VGLL4: variants seen among roughly 807,000 people sequenced by gnomAD.
The protein encoded by VGLL4 is transcription cofactor vestigial-like protein 4.
A neutral mutation model predicts 21.0 loss-of-function variants in VGLL4; 7 were observed. The observed-to-expected ratio is 0.33, with a 90% CI of 0.19 to 0.63. The LOEUF (loss-of-function observed/expected upper bound fraction) is 0.63, where lower values mean the gene tolerates loss of function less well. Among genes scored for constraint, VGLL4 ranks in the 20% least tolerant of loss-of-function variants. The pLI is 0.78. For synonymous variants in VGLL4, 222 were observed against 173.2 expected, an observed-to-expected ratio of 1.28 and a Z score of -2.21; for missense variants, 394 against 425.7, an observed-to-expected ratio of 0.93 and a Z score of 0.66.
intron 2 of VGLL4, among the ~76,000 whole-genome samples, chr3:11,676,811 A>G (rs1209397573): frequency 6.6e-6 from 1 of 152,204 alleles, no homozygotes; most frequent in Non-Finnish European, 1.5e-5. Flanking sequence ...CTTAATAAAA[A>G]GGGTAACGGA....
chr3:11,675,679 G>A (rs2076279801), intron 2 of VGLL4, among the ~76,000 whole-genome samples: 1 of 152,140 alleles, frequency 6.6e-6, no homozygotes, highest in Non-Finnish European at 1.5e-5. Flanking sequence ...CTGCAAAACT[G>A]CTCAGAGATA....
At chr3:11,641,755 C>G (rs2075691608) in intron 1 of VGLL4, among the ~76,000 whole-genome samples, 1 of 152,038 alleles carries the variant, frequency 6.6e-6, no homozygotes, top group Non-Finnish European at 1.5e-5. Context: ...TCCCAAATAC[C>G]GAGAGAGAAG....
intron 4 of VGLL4, 143 bp from the exon 5 acceptor site, chr3:11,558,970 C>G: frequency 9.7e-7 from 1 of 1,028,344 alleles, no homozygotes; most frequent in Non-Finnish European, 1.4e-6. Flanking sequence ...CCCACCTCCC[C>G]CGGCTAAGTC....
chr3:11,718,665 G>C (rs2076950742), intron 1 of VGLL4, among the ~76,000 whole-genome samples: 1 of 152,106 alleles, frequency 6.6e-6, no homozygotes, highest in Non-Finnish European at 1.5e-5. Context: ...TCTGAGTAGA[G>C]GTAGGCTTGG....
At chr3:11,704,409 A>T (rs148811470) in intron 1 of VGLL4, among the ~76,000 whole-genome samples, 4,291 of 150,020 alleles carry the variant, frequency 0.029, 222 homozygotes, top group East Asian at 0.17. Context: ...AAAAAAAGAA[A>T]AAAAGAAAAG....
At chr3:11,614,414 T>TTACTCCTCAG (rs2075121769) in intron 1 of VGLL4, among the ~76,000 whole-genome samples, 1 of 152,194 alleles carries the variant, frequency 6.6e-6, no homozygotes, top group Non-Finnish European at 1.5e-5. Flanking sequence ...GTCCAGACCC[T>TTACTCCTCAG]GAGGAGTAAG....
intron 2 of VGLL4, among the ~76,000 whole-genome samples, chr3:11,675,642 G>C (rs1559938627): frequency 6.6e-6 from 1 of 152,152 alleles, no homozygotes; most frequent in Non-Finnish European, 1.5e-5. Flanking sequence ...CTGTTACTTA[G>C]ATATGGAAAA....
At chr3:11,597,548 A>G (rs1190677165) in intron 2 of VGLL4, among the ~76,000 whole-genome samples, 3 of 152,170 alleles carry the variant, frequency 2.0e-5, no homozygotes, top group African/African-American at 7.2e-5. Flanking sequence ...AGTCCTCTCA[A>G]AAACAAAAAA....
At chr3:11,712,854 T>C (rs374327380) in intron 1 of VGLL4, among the ~76,000 whole-genome samples, 10 of 152,170 alleles carry the variant, frequency 6.6e-5, no homozygotes, top group African/African-American at 9.7e-5. Flanking sequence ...AAGCAAGCCC[T>C]TACCCGTCAG....
In VGLL4 at chr3:11,608,667, C is replaced by T. The variant is rs541305094; in HGVS notation, c.83-6645G>A. 1.1e-4 allele frequency among the ~76,000 whole-genome samples: 17 copies of T among 152,350 alleles called. No individual in the cohort carries two copies. The East Asian group carries it at 3.3e-3, about 29-fold the overall frequency. On this transcript the variant is annotated intron_variant, in intron 1 of 4. Transcript: ENST00000430365. ...AGGAACCGTGGAAAATGTAACCCCACTGTAATCCTGTCATTACCATATCTC... is the reference window on the plus strand; with the variant it reads ...AGGAACCGTGGAAAATGTAACCCCATTGTAATCCTGTCATTACCATATCTC...
At chr3:11,683,175 C>T (rs1253490481) in intron 2 of VGLL4, among the ~76,000 whole-genome samples, 4 of 151,636 alleles carry the variant, frequency 2.6e-5, no homozygotes, top group Non-Finnish European at 5.9e-5. Flanking sequence ...TGCAGTGAGC[C>T]GAGATCACAA....
At chr3:11,669,038 C>A (rs1280246090) in intron 2 of VGLL4, among the ~76,000 whole-genome samples, 4 of 152,260 alleles carry the variant, frequency 2.6e-5, no homozygotes, top group Non-Finnish European at 5.9e-5. Flanking sequence ...GACTGTGATT[C>A]ATATTTAAAT....
intron 1 of VGLL4, among the ~76,000 whole-genome samples, chr3:11,611,383 C>T (rs1342897763): frequency 6.6e-6 from 1 of 152,138 alleles, no homozygotes; most frequent in Non-Finnish European, 1.5e-5. Flanking sequence ...GAAGAGAAGG[C>T]GGCCATCTGC....
intron 2 of VGLL4, among the ~76,000 whole-genome samples, chr3:11,586,574 A>T (rs771922634): frequency 1.3e-5 from 2 of 152,246 alleles, no homozygotes; most frequent in Non-Finnish European, 2.9e-5. Context: ...AATACAGTAT[A>T]ACAACCATTT....
intron 1 of VGLL4, among the ~76,000 whole-genome samples, chr3:11,704,344 T>G (rs1226882706): frequency 3.9e-5 from 5 of 129,758 alleles, no homozygotes; most frequent in Non-Finnish European, 6.2e-5. Flanking sequence ...GATCGAGCCA[T>G]TGCACTCCAG....
chr3:11,672,660 C>G (rs1457557158), intron 2 of VGLL4, among the ~76,000 whole-genome samples: 1 of 152,186 alleles, frequency 6.6e-6, no homozygotes, highest in Non-Finnish European at 1.5e-5. Flanking sequence ...ACAGCTTTCT[C>G]CAGCCCATTC....
rs1292898421 is a variant in VGLL4, at chr3:11,640,096, TTAGA to T, written c.82+3337_82+3340del. Among the ~76,000 whole-genome samples, 10 of 152,208 alleles carry T rather than the reference TTAGA, an allele frequency of 6.6e-5. No individual in the cohort carries two copies. The East Asian group carries it at 1.7e-3, about 26-fold the overall frequency. ...GAGGCCCTGGATAGCTCTGCAATAA[TTAGA>T]TAGAGAATACAAGGCAGTATATAAT... is the stretch of plus-strand genomic sequence containing the variant. On this transcript the variant is annotated intron_variant, in intron 1 of 4. Coordinates refer to ENST00000430365, the MANE Select transcript of VGLL4 (RefSeq NM_001128219.3).
At chr3:11,649,684 G>A (rs894891180) in intron 2 of VGLL4, among the ~76,000 whole-genome samples, 10 of 152,154 alleles carry the variant, frequency 6.6e-5, no homozygotes, top group Admixed American at 1.3e-4. Flanking sequence ...GTTTAAGATG[G>A]GGTATCTGTC....
At chr3:11,561,780 A>T (rs1422220720) in intron 3 of VGLL4, among the ~76,000 whole-genome samples, 1 of 148,242 alleles carries the variant, frequency 6.7e-6, no homozygotes, top group Non-Finnish European at 1.5e-5. Context: ...TAACCCCTTC[A>T]CCCGCTGTCC....
Sources: gnomAD v4.1 joint callset for allele counts (sites outside exome capture counted in the v4.1 genomes callset) on GRCh38, gnomAD v4.1.1 for gene constraint, MANE v1.5 for transcripts, NCBI Gene and HGNC (gene_info 2026-07-23, HGNC 2026-07-21) for gene names.